GALNT17: variants seen among roughly 807,000 people sequenced by gnomAD.
GALNT17 encodes polypeptide N-acetylgalactosaminyltransferase 17.
In GALNT17, 29 loss-of-function variants were observed where a neutral mutation model predicts 63.7. The observed-to-expected ratio is 0.46, with a 90% confidence interval of 0.34 to 0.62. The LOEUF (loss-of-function observed/expected upper bound fraction) is 0.62, where lower values mean the gene tolerates loss of function less well. Ranked by LOEUF, GALNT17 falls within the 20% of genes least tolerant of loss-of-function variation. GALNT17 has a pLI of 0.01. For missense variants in GALNT17, 603 were observed against 799.6 expected (o/e 0.75, Z 2.97); for synonymous variants, 305 against 318.3 (o/e 0.96, Z 0.45).
chr7:71,516,910 G>A (rs191813142), intron 5 of GALNT17, among the ~76,000 whole-genome samples: 84 of 152,208 alleles, frequency 5.5e-4, no homozygotes, highest in African/African-American at 1.9e-3. Context: ...GTCATGCTTG[G>A]TTTCTCTGCA....
chr7:71,677,977 C>T (rs1477846643), intron 9 of GALNT17, among the ~76,000 whole-genome samples: 1 of 152,114 alleles, frequency 6.6e-6, no homozygotes, highest in South Asian at 2.1e-4. Flanking sequence ...TGTTCAAATC[C>T]TCAGCCCTTT....
In GALNT17 at chr7:71,518,281, G is replaced by A. The variant is rs79986085; in HGVS notation, c.963-53004G>A. ...GGCATCTTCTTTCTTATTTTCTACT[G>A]AGTCTGTACATTTCCTGTTTCCCTT... is the stretch of plus-strand genomic sequence containing the variant. On this transcript the variant is annotated intron_variant, in intron 5 of 10. Coordinates refer to ENST00000333538, the MANE Select transcript of GALNT17 (RefSeq NM_022479.3). Among the ~76,000 whole-genome samples, 397 of 152,284 alleles carry A rather than the reference G, an allele frequency of 2.6e-3. 3 individuals carry two copies. Among genetic ancestry groups the A allele is most frequent in the East Asian group, 1.7e-3 (9 of 5,190 alleles).
At chr7:71,474,862 T>C (rs2116625011) in intron 5 of GALNT17, among the ~76,000 whole-genome samples, 1 of 152,062 alleles carries the variant, frequency 6.6e-6, no homozygotes, top group South Asian at 2.1e-4. Context: ...GATGGGGAGA[T>C]TATACTGGAT....
At chr7:71,700,697 G>T (rs1443101869) in intron 9 of GALNT17, among the ~76,000 whole-genome samples, 1 of 152,126 alleles carries the variant, frequency 6.6e-6, no homozygotes, top group Non-Finnish European at 1.5e-5. Flanking sequence ...TTGCCTAGTT[G>T]GCTGACTCCA....
intron 5 of GALNT17, 66 bp from the exon 6 acceptor site, chr7:71,571,219 G>C (rs1277290503): frequency 7.3e-7 from 1 of 1,361,914 alleles, no homozygotes; most frequent in African/African-American, 1.4e-5. Context: ...ATACTAGGAC[G>C]GTGCCTATGG....
chr7:71,216,566 A>G (rs1296362475), intron 1 of GALNT17, among the ~76,000 whole-genome samples: 5 of 137,610 alleles, frequency 3.6e-5, no homozygotes, highest in African/African-American at 7.5e-5. Flanking sequence ...TAACACACAT[A>G]TACACACACA....
chr7:71,678,803 A>C (rs979727481), intron 9 of GALNT17, among the ~76,000 whole-genome samples: 6 of 151,818 alleles, frequency 4.0e-5, no homozygotes. Context: ...TCAAAAAAAA[A>C]AAAAATTAGC....
intron 3 of GALNT17, among the ~76,000 whole-genome samples, chr7:71,389,442 A>G (rs1425017025): frequency 3.3e-5 from 5 of 151,996 alleles, no homozygotes; most frequent in Non-Finnish European, 1.5e-5. Context: ...GCTGGTTGCA[A>G]CCTTTTTATG....
intron 1 of GALNT17, among the ~76,000 whole-genome samples, chr7:71,139,951 G>A (rs1396171276): frequency 5.9e-5 from 9 of 152,120 alleles, no homozygotes; most frequent in Non-Finnish European, 1.2e-4. Flanking sequence ...CAGAGATCGC[G>A]CCCCTGCACT....
In GALNT17 at chr7:71,416,708, T is replaced by C. The variant is rs538548355; in HGVS notation, c.764+645T>C. Among the ~76,000 whole-genome samples, 9 of 152,330 alleles carry C rather than the reference T, an allele frequency of 5.9e-5. No individual in the cohort carries two copies. The South Asian group carries it at 1.9e-3, about 32-fold the overall frequency. ...AGACAGTCATATTTTTCTTGTTCTCTTTTCCTTCTTTGCTGCTCTGTTTGC... is the reference window on the plus strand; with the variant it reads ...AGACAGTCATATTTTTCTTGTTCTCCTTTCCTTCTTTGCTGCTCTGTTTGC... On this transcript the variant is annotated intron_variant, in intron 4 of 10. Transcript: ENST00000333538.
chr7:71,356,062 C>T (rs1025772386), intron 2 of GALNT17, among the ~76,000 whole-genome samples: 10 of 152,086 alleles, frequency 6.6e-5, no homozygotes, highest in African/African-American at 2.4e-4. Flanking sequence ...ACTGCAACCT[C>T]TGCCTCCTGA....
intron 5 of GALNT17, among the ~76,000 whole-genome samples, chr7:71,557,209 A>T (rs1159695847): frequency 6.6e-6 from 1 of 151,918 alleles, no homozygotes; most frequent in Admixed American, 6.6e-5. Context: ...CTTTCTTTTC[A>T]TTTTGTTTTA....
intron 7 of GALNT17, among the ~76,000 whole-genome samples, chr7:71,666,908 C>T (rs1790994113): frequency 6.6e-6 from 1 of 152,208 alleles, no homozygotes; most frequent in Non-Finnish European, 1.5e-5. Flanking sequence ...AAAGGGTTGG[C>T]TGTACCTTAT....
rs1789419647 is a variant in GALNT17 at position 71,213,465 on chromosome 7, CAT to C, written c.238+80427_238+80428del. Among the ~76,000 whole-genome samples, 13 of 74,448 alleles carry C rather than the reference CAT, an allele frequency of 1.7e-4. 1 individual carries two copies. In the South Asian group the frequency reaches 0.012, roughly 67 times the overall value. The allele number at this position is 74,448 out of a possible 152,430, so 48.8% of individuals were successfully genotyped here. A position where few individuals can be genotyped will look rare whatever the true frequency, so the allele number is the denominator to read the frequency against. On this transcript the variant is annotated intron_variant, in intron 1 of 10. Coordinates refer to ENST00000333538, the MANE Select transcript of GALNT17 (RefSeq NM_022479.3). ...ATAGATGTTTATGGTTTTATAAATA[CAT>C]AGTGTTCTCTGGTTTGCAATTTTCG...
chr7:71,300,445 C>G (rs564714116), intron 1 of GALNT17: 1 of 456,036 alleles, frequency 2.2e-6, no homozygotes, highest in Non-Finnish European at 4.4e-6. Context: ...AATGGCTGAT[C>G]TTTTCAGAAT....
At chr7:71,697,804 G>T (rs1791566759) in intron 9 of GALNT17, among the ~76,000 whole-genome samples, 2 of 152,102 alleles carry the variant, frequency 1.3e-5, no homozygotes, top group South Asian at 4.2e-4. Flanking sequence ...ATATTATTTA[G>T]ATTTTTTTTC....
chr7:71,408,579 T>C (rs529086541), intron 3 of GALNT17, among the ~76,000 whole-genome samples: 92 of 152,192 alleles, frequency 6.0e-4, no homozygotes, highest in Non-Finnish European at 9.7e-4. Context: ...ATCCCAGTAT[T>C]GGAGCCAAGC....
chr7:71,496,456 T>TA (rs1370881460), intron 5 of GALNT17, among the ~76,000 whole-genome samples: 1 of 152,132 alleles, frequency 6.6e-6, no homozygotes, highest in African/African-American at 2.4e-5. Flanking sequence ...GTGAGGTCAC[T>TA]AGCCACAGGT....
At chr7:71,262,363 G>A (rs1199407905) in intron 1 of GALNT17, among the ~76,000 whole-genome samples, 1 of 151,922 alleles carries the variant, frequency 6.6e-6, no homozygotes, top group African/African-American at 2.4e-5. Context: ...CAGTCCTCCT[G>A]CCTCAGCCTC....
Sources: gnomAD v4.1 joint callset for allele counts (sites outside exome capture counted in the v4.1 genomes callset) on GRCh38, gnomAD v4.1.1 for gene constraint, MANE v1.5 for transcripts, NCBI Gene and HGNC (gene_info 2026-07-23, HGNC 2026-07-21) for gene names.